Variants in ATP11C observed in about 807,000 individuals in gnomAD.
ATP11C encodes phospholipid-transporting ATPase IG.
Under a neutral mutation model 97.4 loss-of-function variants are expected in ATP11C, and 36 were observed. The observed-to-expected ratio is 0.37, with a 90% confidence interval of 0.28 to 0.49. The LOEUF (loss-of-function observed/expected upper bound fraction) is 0.49. Ranked by LOEUF, ATP11C falls within the 20% of genes least tolerant of loss-of-function variation. The pLI is 0.98. For synonymous variants in ATP11C, 275 were observed against 290.9 expected (o/e 0.95, Z 0.56); for missense variants, 730 against 824.6 (o/e 0.89, Z 1.40).
At chrX:139,875,977 G>A (rs549216382) in intron 1 of ATP11C, among the ~76,000 whole-genome samples, 9 of 112,031 alleles carry the variant, frequency 8.0e-5, no homozygotes, top group Middle Eastern at 9.3e-3. Flanking sequence ...CATTCTTCCT[G>A]TCAAGCTGAG....
intron 19 of ATP11C, among the ~76,000 whole-genome samples, chrX:139,768,795 A>G (rs1482777715): frequency 9.2e-6 from 1 of 109,110 alleles, no homozygotes; most frequent in Non-Finnish European, 1.9e-5. Context: ...AGATCATCCT[A>G]GATAACTAAA....
intron 1 of ATP11C, among the ~76,000 whole-genome samples, chrX:139,895,844 T>C (rs2084796228): frequency 1.8e-5 from 2 of 110,680 alleles, no homozygotes; most frequent in South Asian, 7.6e-4. Context: ...TAAACACTTA[T>C]CTCTTTTTTT....
At chrX:139,900,623 T>C (rs1202140680) in intron 1 of ATP11C, among the ~76,000 whole-genome samples, 2 of 111,878 alleles carry the variant, frequency 1.8e-5, no homozygotes, top group Non-Finnish European at 3.8e-5. Flanking sequence ...TAGACTTGTT[T>C]ACAGTTCAGT....
At chrX:139,881,911 G>A (rs767348488) in intron 1 of ATP11C, among the ~76,000 whole-genome samples, 1 of 112,113 alleles carries the variant, frequency 8.9e-6, no homozygotes, top group South Asian at 3.7e-4. Flanking sequence ...TTCCCCCACT[G>A]TTTTGCATCA....
intron 19 of ATP11C, among the ~76,000 whole-genome samples, chrX:139,770,678 G>A (rs1168668364): frequency 9.0e-6 from 1 of 111,166 alleles, no homozygotes; most frequent in Non-Finnish European, 1.9e-5. Context: ...GCAGAAGCTG[G>A]CAAAGGTGAC....
At chrX:139,887,110 T>C (rs1437416746) in intron 1 of ATP11C, among the ~76,000 whole-genome samples, 8 of 112,138 alleles carry the variant, frequency 7.1e-5, no homozygotes, top group Non-Finnish European at 7.5e-5. Flanking sequence ...ATAGTTTTTT[T>C]CGTCTTATCA....
At chrX:139,774,631 C>T in intron 19 of ATP11C, 59 bp downstream of exon 19, 1 of 1,023,537 alleles carries the variant, frequency 9.8e-7, no homozygotes. Context: ...TTTGTATATG[C>T]AGCTGTGATT....
At chrX:139,751,723 C>T (rs1449840824) in intron 23 of ATP11C, among the ~76,000 whole-genome samples, 1 of 108,884 alleles carries the variant, frequency 9.2e-6, no homozygotes, top group Admixed American at 9.8e-5. Context: ...ATCCCCAAAA[C>T]AAACAGATAA....
chrX:139,900,647 C>T (rs2084885810), intron 1 of ATP11C, among the ~76,000 whole-genome samples: 1 of 111,793 alleles, frequency 8.9e-6, no homozygotes. Context: ...TCAAGCAGAG[C>T]TTGTTTACAT....
At chrX:139,901,793 C>A (rs1161720880) in intron 1 of ATP11C, among the ~76,000 whole-genome samples, 1 of 111,488 alleles carries the variant, frequency 9.0e-6, no homozygotes, top group Non-Finnish European at 1.9e-5. Flanking sequence ...GTAGAATGGG[C>A]AACTGAAACC....
rs1404452628 is a variant in ATP11C, at chrX:139,726,839, T to C, written c.*2127A>G. 2 of 111,638 alleles carry C rather than the reference T, an allele frequency of 1.8e-5. No individual in the cohort carries two copies. The highest frequency in any genetic ancestry group is 6.5e-5 in the African/African-American group (2 of 30,748). The allele number at this position is 111,638 out of a possible 1,213,427, so 9.2% of individuals were successfully genotyped here. A position where few individuals can be genotyped will look rare whatever the true frequency, so the allele number is the denominator to read the frequency against. ...TGATTACATTGAGTGCTAGGAATAC[T>C]GCATGGTCTATTTCAAGTTATTCGA... On this transcript the variant is annotated 3_prime_UTR_variant, in exon 30 of 30. Transcript: ENST00000682941.
At chrX:139,788,088 A>T (rs1238208679) in intron 14 of ATP11C, 104 bp downstream of exon 14, 1 of 717,113 alleles carries the variant, frequency 1.4e-6, no homozygotes, top group Non-Finnish European at 2.0e-6. Context: ...AAATAATAGG[A>T]GATGTATGTG....
chrX:139,870,774 C>T (rs920686156), intron 1 of ATP11C, among the ~76,000 whole-genome samples: 18 of 112,186 alleles, frequency 1.6e-4, no homozygotes, highest in Admixed American at 6.6e-4. Context: ...AAGATACACG[C>T]GGCCAGGCGC....
Position 139,932,155 on chromosome X carries a change from GGGCGGC to G in ATP11C, c.-119_-114del. ...GCGGCGCCAAGCGGAGCAGCGAGGC[GGGCGGC>G]CGGGCCACCCGCTCGCCGCCTGCCC... On this transcript the variant is annotated 5_prime_UTR_variant, in exon 1 of 30. Coordinates refer to ENST00000682941, the MANE Select transcript of ATP11C (RefSeq NM_001353812.2). 1.4e-6 allele frequency: 1 copy of G among 693,541 alleles called. No homozygotes were observed. Among genetic ancestry groups the G allele is most frequent in the Non-Finnish European group, 1.8e-6 (1 of 546,104 alleles). The allele number at this position is 693,541 out of a possible 1,213,427, so 57.2% of individuals were successfully genotyped here. A position where few individuals can be genotyped will look rare whatever the true frequency, so the allele number is the denominator to read the frequency against.
At chrX:139,879,441 T>C (rs1161412842) in intron 1 of ATP11C, among the ~76,000 whole-genome samples, 1 of 110,845 alleles carries the variant, frequency 9.0e-6, no homozygotes, top group South Asian at 3.8e-4. Context: ...GCAAATACTA[T>C]ATGGTCTCAC....
At chrX:139,892,068 G>A (rs1040270681) in intron 1 of ATP11C, among the ~76,000 whole-genome samples, 1 of 111,356 alleles carries the variant, frequency 9.0e-6, no homozygotes, top group Non-Finnish European at 1.9e-5. Context: ...TATTGGCCAG[G>A]CTGGTCTCCA....
chrX:139,915,995 G>A (rs2085150798), intron 1 of ATP11C, among the ~76,000 whole-genome samples: 1 of 111,453 alleles, frequency 9.0e-6, no homozygotes, highest in African/African-American at 3.3e-5. Flanking sequence ...TTGGGAGGCC[G>A]AGGCAGACAG....
intron 1 of ATP11C, among the ~76,000 whole-genome samples, chrX:139,886,316 C>T (rs1043808209): frequency 9.0e-6 from 1 of 110,997 alleles, no homozygotes; most frequent in Non-Finnish European, 1.9e-5. Context: ...TGTGGCCAGG[C>T]GCGGTGGCTT....
At chrX:139,878,578 T>G (rs1261120494) in intron 1 of ATP11C, among the ~76,000 whole-genome samples, 4 of 111,778 alleles carry the variant, frequency 3.6e-5, no homozygotes, top group African/African-American at 1.3e-4. Flanking sequence ...AAAAAATCTG[T>G]TAGGTACCAA....
Sources: allele counts gnomAD v4.1 joint callset (sites outside exome capture counted in the v4.1 genomes callset), GRCh38; gene constraint gnomAD v4.1.1; transcripts MANE v1.5; gene names NCBI Gene and HGNC (gene_info 2026-07-23, HGNC 2026-07-21).